The following SEMA5A variants were observed in gnomAD, a reference collection of about 807,000 sequenced individuals.
SEMA5A encodes semaphorin 5A, also known as semaphorin-5A.
A neutral mutation model predicts 135.5 loss-of-function variants in SEMA5A; 55 were observed. The ratio of observed to expected loss-of-function variants is 0.41; its 90% CI spans 0.33 to 0.51. The LOEUF (loss-of-function observed/expected upper bound fraction) is 0.51. Among genes scored for constraint, SEMA5A ranks in the 20% least tolerant of loss-of-function variants. The pLI, the probability that SEMA5A is intolerant of heterozygous loss-of-function variation, is 0.37. For synonymous variants in SEMA5A, 580 were observed against 546.5 expected (o/e 1.06, Z -0.85); for missense variants, 1,290 against 1,419.9 (o/e 0.91, Z 1.47).
intron 12 of SEMA5A, among the ~76,000 whole-genome samples, chr5:9,141,373 T>A (rs1471406842): frequency 6.6e-6 from 1 of 152,240 alleles, no homozygotes; most frequent in East Asian, 1.9e-4. Flanking sequence ...TTCTAAATTG[T>A]AAACATATGT....
chr5:9,221,416 C>G (rs936415865), intron 8 of SEMA5A, among the ~76,000 whole-genome samples: 1 of 150,646 alleles, frequency 6.6e-6, no homozygotes, highest in African/African-American at 2.4e-5. Context: ...CATTCTCCTG[C>G]CTCAGCCTCC....
At chr5:9,441,745 C>T (rs1004452586) in intron 1 of SEMA5A, among the ~76,000 whole-genome samples, 4 of 152,092 alleles carry the variant, frequency 2.6e-5, no homozygotes, top group African/African-American at 7.2e-5. Context: ...CAGCCAGCAT[C>T]GGCTAGCAGC....
intron 2 of SEMA5A, among the ~76,000 whole-genome samples, chr5:9,431,867 T>A (rs1757867951): frequency 6.6e-6 from 1 of 152,022 alleles, no homozygotes; most frequent in Admixed American, 6.6e-5. Flanking sequence ...CCTCACTCAA[T>A]CACGAAACTA....
chr5:9,447,393 G>A (rs1758473410), intron 1 of SEMA5A, among the ~76,000 whole-genome samples: 1 of 152,180 alleles, frequency 6.6e-6, no homozygotes, highest in Non-Finnish European at 1.5e-5. Flanking sequence ...TGAATGTTCT[G>A]GAGTCATTTT....
At chr5:9,336,792 C>A (rs1043819470) in intron 4 of SEMA5A, among the ~76,000 whole-genome samples, 1 of 152,212 alleles carries the variant, frequency 6.6e-6, no homozygotes, top group Non-Finnish European at 1.5e-5. Flanking sequence ...TAGCTGCACT[C>A]GTGTTTATAG....
intron 8 of SEMA5A, among the ~76,000 whole-genome samples, chr5:9,206,503 A>G (rs1746023899): frequency 6.6e-6 from 1 of 152,110 alleles, no homozygotes; most frequent in Non-Finnish European, 1.5e-5. Flanking sequence ...CGCAAAACCA[A>G]ATACTGAGAA....
intron 12 of SEMA5A, among the ~76,000 whole-genome samples, chr5:9,137,188 G>T (rs933182639): frequency 6.6e-6 from 1 of 152,142 alleles, no homozygotes; most frequent in African/African-American, 2.4e-5. Context: ...CCAACAACAT[G>T]CAGATACATC....
chr5:9,124,579 C>A (rs1180888951), intron 13 of SEMA5A, among the ~76,000 whole-genome samples: 2 of 152,144 alleles, frequency 1.3e-5, no homozygotes, highest in African/African-American at 4.8e-5. Flanking sequence ...GCCTCAGCCT[C>A]CTGAGTAGCT....
rs150071867 is a variant in SEMA5A at position 9,112,626 on chromosome 5, C to T, written c.1926-4339G>A. On this transcript the variant is annotated intron_variant, in intron 15 of 22. Transcript: ENST00000382496. ...CTCACCACAGGATTCAGCAAACATA[C>T]TGATGAAGACAAATAATCACTTAAT... Among the ~76,000 whole-genome samples, 9 of 152,332 alleles carry T rather than the reference C, an allele frequency of 5.9e-5. No homozygotes were observed. The East Asian group carries it at 1.7e-3, about 29-fold the overall frequency.
intron 21 of SEMA5A, among the ~76,000 whole-genome samples, chr5:9,047,622 G>A (rs1736341710): frequency 6.6e-6 from 1 of 152,118 alleles, no homozygotes; most frequent in Non-Finnish European, 1.5e-5. Flanking sequence ...ATAATTTCCT[G>A]TACAATGATT....
chr5:9,224,793 C>T lies in SEMA5A; in HGVS notation c.527G>A (p.Gly176Asp). Residue 176 changes from glycine (G) to aspartate (D), a missense_variant, in exon 8 of 23, where the codon GGT becomes GAT. By Grantham distance (94) the Gly-to-Asp change is moderately conservative. Around this residue, in one of 3 missense-constraint regions of SEMA5A, gnomAD observed 145 missense variants for 212.0 expected, o/e 0.68. Coordinates refer to ENST00000382496, the MANE Select transcript of SEMA5A (RefSeq NM_003966.3). Reference sequence around the variant, plus strand: ...GGCTGTAGCAGCATAGAGCTCCCCACCAGCTGTGAGGAGCGCTGTGGAATT... The same window carrying T: ...GGCTGTAGCAGCATAGAGCTCCCCATCAGCTGTGAGGAGCGCTGTGGAATT... ...QHNSTALLTAGGELYAATAMD... is the reference protein window; with the variant it reads ...QHNSTALLTADGELYAATAMD... The T allele has an allele frequency of 6.2e-7, 1 of 1,614,152 alleles. No individual in the cohort carries two copies. Among genetic ancestry groups the T allele is most frequent in the Non-Finnish European group, 8.5e-7 (1 of 1,180,030 alleles).
chr5:9,538,878 C>A (rs1194634506), intron 1 of SEMA5A, among the ~76,000 whole-genome samples: 1 of 152,158 alleles, frequency 6.6e-6, no homozygotes, highest in Non-Finnish European at 1.5e-5. Context: ...CGCAGCAGGA[C>A]TCGTATTTAG....
At chr5:9,107,397 T>C (rs1739979087) in intron 16 of SEMA5A, among the ~76,000 whole-genome samples, 1 of 152,108 alleles carries the variant, frequency 6.6e-6, no homozygotes, top group African/African-American at 2.4e-5. Context: ...TCTTTTATCC[T>C]CTCTGCATTG....
In SEMA5A at chr5:9,372,264, C is replaced by T. The variant is rs536961181; in HGVS notation, c.124+7559G>A. ...ACTCAGCCAGTACCATGACTCCACA[C>T]AACTGCTTGGTGCATTAGACACCAG... On this transcript the variant is annotated intron_variant, in intron 3 of 22. Transcript: ENST00000382496. Among the ~76,000 whole-genome samples, 4 of 152,362 alleles carry T rather than the reference C, an allele frequency of 2.6e-5. No homozygotes were observed. The South Asian group carries it at 6.2e-4, about 24-fold the overall frequency.
intron 11 of SEMA5A, among the ~76,000 whole-genome samples, chr5:9,185,118 C>A (rs1169910935): frequency 1.3e-5 from 2 of 152,144 alleles, no homozygotes; most frequent in Non-Finnish European, 2.9e-5. Context: ...TGTAGATGTG[C>A]AGTTCCACTA....
intron 16 of SEMA5A, among the ~76,000 whole-genome samples, chr5:9,090,449 G>A (rs1470266760): frequency 6.6e-6 from 1 of 152,176 alleles, no homozygotes; most frequent in Non-Finnish European, 1.5e-5. Context: ...TGCCGTGAAA[G>A]TTTAAGTAAA....
At chr5:9,280,911 T>G (rs1351862726) in intron 5 of SEMA5A, 1 of 232,006 alleles carries the variant, frequency 4.3e-6, no homozygotes, top group Non-Finnish European at 9.1e-6. Flanking sequence ...ATTTAAATAA[T>G]TCCTCCGTTA....
At chr5:9,429,026 T>A (rs1442439868) in intron 2 of SEMA5A, among the ~76,000 whole-genome samples, 1 of 152,210 alleles carries the variant, frequency 6.6e-6, no homozygotes, top group Non-Finnish European at 1.5e-5. Context: ...CTACTTTAAA[T>A]TGCCATTGCA....
At chr5:9,267,728 GAC>G (rs2150531094) in intron 5 of SEMA5A, among the ~76,000 whole-genome samples, 1 of 152,168 alleles carries the variant, frequency 6.6e-6, no homozygotes, top group Admixed American at 6.5e-5. Flanking sequence ...AAGATAAAAA[GAC>G]ACATCTGAGA....
Sources: gnomAD v4.1 joint callset for allele counts (sites outside exome capture counted in the v4.1 genomes callset) on GRCh38, gnomAD v4.1.1 for gene constraint, gnomAD v4.1.1 regional missense constraint, MANE v1.5 for transcripts, NCBI Gene and HGNC (gene_info 2026-07-23, HGNC 2026-07-21) for gene names.